Variants in PTP4A2 observed in about 807,000 individuals in gnomAD.
The protein encoded by PTP4A2 is protein tyrosine phosphatase 4A2.
PTP4A2 carries 2 observed loss-of-function variants against 22.9 expected under a neutral mutation model. The observed-to-expected ratio is 0.09, with a 90% CI of 0.04 to 0.27. The LOEUF is 0.27. PTP4A2 is among the 10% of genes least tolerant of loss of function. PTP4A2 has a pLI of 1.00. For missense variants in PTP4A2, 103 were observed against 205.1 expected (o/e 0.50, Z 3.04); for synonymous variants, 68 against 69.1 (o/e 0.98, Z 0.08).
In PTP4A2 at chr1:31,938,078, G is replaced by GGCGGTA. The variant is rs1197614804; in HGVS notation, c.-691_-686dup. 3 of 152,990 alleles carry GGCGGTA rather than the reference G, an allele frequency of 2.0e-5. No homozygotes were observed. Among genetic ancestry groups the GGCGGTA allele is most frequent in the Non-Finnish European group, 2.8e-5 (2 of 71,038 alleles). The allele number at this position is 152,990 out of a possible 1,614,324, so 9.5% of individuals were successfully genotyped here. A position where few individuals can be genotyped will look rare whatever the true frequency, so the allele number is the denominator to read the frequency against. On this transcript the variant is annotated 5_prime_UTR_variant, in exon 1 of 6. Coordinates refer to ENST00000647444, the MANE Select transcript of PTP4A2 (RefSeq NM_080391.4). The surrounding 1 kb of genome is among the most constrained non-coding windows in gnomAD (Gnocchi z 4.4). The stretch of plus-strand genomic sequence containing the variant: ...CAGTCACCTCGGCGGCGGCGGCGGC[G>GGCGGTA]GCGGTAGCGGTGGCGGCGGCGGCGA...
chr1:31,935,289 G>A (rs988993194), intron 1 of PTP4A2, among the ~76,000 whole-genome samples: 4 of 152,072 alleles, frequency 2.6e-5, no homozygotes, highest in Non-Finnish European at 4.4e-5. Context: ...ACACCCCGGG[G>A]CCCCAAGAGA....
intron 3 of PTP4A2, chr1:31,915,594 T>C (rs957628505): frequency 1.5e-5 from 3 of 196,702 alleles, no homozygotes; most frequent in African/African-American, 2.4e-5. Context: ...GGCTGGAATG[T>C]GGTGGTGTGG....
intron 1 of PTP4A2, among the ~76,000 whole-genome samples, chr1:31,926,338 A>T (rs675530): frequency 0.13 from 19,227 of 151,638 alleles, 1,581 homozygotes; most frequent in East Asian, 0.37. Flanking sequence ...TTCTAGATTT[A>T]AGGAAATACA....
In PTP4A2 at chr1:31,937,318, G is replaced by A. The variant is rs1488886832; in HGVS notation, c.-594+669C>T. On this transcript the variant is annotated intron_variant, in intron 1 of 5. Coordinates refer to ENST00000647444, the MANE Select transcript of PTP4A2 (RefSeq NM_080391.4). Reference sequence around the variant, plus strand: ...AGAAGATCATAGTGCCGCTGGAGGAGACTTATACCCCCTTTCCTCATACTT... The same window carrying A: ...AGAAGATCATAGTGCCGCTGGAGGAAACTTATACCCCCTTTCCTCATACTT... Among the ~76,000 whole-genome samples, 5 of 152,174 alleles carry A rather than the reference G, an allele frequency of 3.3e-5. No homozygotes were observed. In the Middle Eastern group the frequency reaches 0.01, roughly 311 times the overall value.
Position 31,908,413 on chromosome 1 carries a change from A to C in PTP4A2, c.*439T>G, listed in dbSNP as rs547992483. 1 of 150,036 alleles carries C rather than the reference A, an allele frequency of 6.7e-6. No individual in the cohort carries two copies. Among genetic ancestry groups the C allele is most frequent in the East Asian group, 2.0e-4 (1 of 5,106 alleles). 9.3% of individuals were successfully genotyped at this position (150,036 alleles called of 1,614,324 possible). On this transcript the variant is annotated 3_prime_UTR_variant, in exon 6 of 6. Transcript: ENST00000647444. The stretch of plus-strand genomic sequence containing the variant: ...ATATACCACCAACCCTCCCCCACAA[A>C]AAAAGGGAAAAAAAAAATCCCACCA...
At chr1:31,936,643 T>A (rs1652945188) in intron 1 of PTP4A2, among the ~76,000 whole-genome samples, 1 of 152,184 alleles carries the variant, frequency 6.6e-6, no homozygotes, top group African/African-American at 2.4e-5. Flanking sequence ...AAGTCCATGA[T>A]AATAATTAGT....
chr1:31,909,426 A>T (rs1263316603), intron 5 of PTP4A2, among the ~76,000 whole-genome samples: 1 of 152,178 alleles, frequency 6.6e-6, no homozygotes, highest in Non-Finnish European at 1.5e-5. Flanking sequence ...CTGTAATCCC[A>T]GCACTTTGGG....
At chr1:31,926,738 T>C (rs905106440) in intron 1 of PTP4A2, among the ~76,000 whole-genome samples, 1 of 152,160 alleles carries the variant, frequency 6.6e-6, no homozygotes, top group African/African-American at 2.4e-5. Flanking sequence ...TCTGTTGGGA[T>C]GGATCTTACA....
intron 1 of PTP4A2, among the ~76,000 whole-genome samples, chr1:31,937,106 T>A (rs1434652377): frequency 6.6e-6 from 1 of 152,128 alleles, no homozygotes; most frequent in African/African-American, 2.4e-5. Flanking sequence ...GAGTGTAGGA[T>A]TTTGGGCAAC....
At chr1:31,926,775 A>T (rs893447317) in intron 1 of PTP4A2, among the ~76,000 whole-genome samples, 1 of 152,202 alleles carries the variant, frequency 6.6e-6, no homozygotes, top group African/African-American at 2.4e-5. Context: ...AAAAGAAATA[A>T]AAATGTCACT....
rs1651167706 is a variant in PTP4A2 at position 31,906,507 on chromosome 1, C to T, written c.*2345G>A. The T allele has an allele frequency of 6.6e-6, 1 of 152,040 alleles. No individual in the cohort carries two copies. Among genetic ancestry groups the T allele is most frequent in the Non-Finnish European group, 1.5e-5 (1 of 68,000 alleles). The allele number at this position is 152,040 out of a possible 1,614,324, so 9.4% of individuals were successfully genotyped here. On this transcript the variant is annotated 3_prime_UTR_variant, in exon 6 of 6. Transcript: ENST00000647444. ...CTGCACACCTTTCAAATCAATCTGA[C>T]ATCTCTCTATGTCAAACTGGCTTCA...
intron 3 of PTP4A2, among the ~76,000 whole-genome samples, chr1:31,914,686 G>C (rs1405489215): frequency 6.6e-6 from 1 of 152,088 alleles, no homozygotes; most frequent in Non-Finnish European, 1.5e-5. Context: ...AAAATTACAA[G>C]ATCATTTCAT....
At chr1:31,932,190 G>A (rs1006091123) in intron 1 of PTP4A2, among the ~76,000 whole-genome samples, 6 of 152,154 alleles carry the variant, frequency 3.9e-5, no homozygotes, top group African/African-American at 1.4e-4. Context: ...TATCTGATCT[G>A]CTAAAACAAA....
chr1:31,918,340 C>A (rs1440763373), intron 2 of PTP4A2, among the ~76,000 whole-genome samples: 1 of 152,096 alleles, frequency 6.6e-6, no homozygotes, highest in Non-Finnish European at 1.5e-5. Context: ...AAGGATCTGA[C>A]ATAAAAATAC....
At position 31,916,005 on chromosome 1, in the gene PTP4A2, AT is replaced by A; in HGVS notation, c.97-19del. 4 of 1,447,600 alleles carry A rather than the reference AT, an allele frequency of 2.8e-6. No individual in the cohort carries two copies. The highest frequency in any genetic ancestry group is 1.3e-5 in the South Asian group (1 of 79,100). The allele number at this position is 1,447,600 out of a possible 1,614,324, so 89.7% of individuals were successfully genotyped here. ...TTAAGTTCCTTTAAAAAAAAAAAAA[AT>A]TATAATGGAACTTGTTTTTGAAACC... On this transcript the variant is annotated intron_variant, in intron 2 of 5. Coordinates refer to ENST00000647444, the MANE Select transcript of PTP4A2 (RefSeq NM_080391.4).
At chr1:31,912,028 A>G (rs527688419) in intron 3 of PTP4A2, among the ~76,000 whole-genome samples, 33 of 152,334 alleles carry the variant, frequency 2.2e-4, no homozygotes, top group African/African-American at 7.5e-4. Context: ...TACCCTTCTC[A>G]ATGCAGTGTC....
rs1651543126 is a variant in PTP4A2, at chr1:31,911,733, AAC to A, written c.281_282del (p.Gly94ValfsTer24). ...GCAACACAATGCACTGCAACACAGC[AAC>A]CTGGCTCTTCACGAAATTTGGTTTT... Reference protein sequence around the residue: ...LLKTKFREEPGCCVAVHCVAG... With the variant: ...LLKTKFREEPXCCVAVHCVAG... On this transcript the variant is annotated frameshift_variant, in exon 4 of 6. Transcript: ENST00000647444. LOFTEE classifies it high-confidence loss of function. The A allele has an allele frequency of 6.2e-7, 1 of 1,606,594 alleles. No individual in the cohort carries two copies. The highest frequency in any genetic ancestry group is 1.1e-5 in the South Asian group (1 of 89,826).
intron 1 of PTP4A2, chr1:31,921,736 T>C (rs1376288256): frequency 6.6e-6 from 1 of 152,204 alleles, no homozygotes; most frequent in Non-Finnish European, 1.5e-5. Flanking sequence ...TGAAAGATAA[T>C]GACTACGGAA....
intron 1 of PTP4A2, among the ~76,000 whole-genome samples, chr1:31,929,562 C>T (rs1355722120): frequency 6.6e-6 from 1 of 152,164 alleles, no homozygotes; most frequent in Non-Finnish European, 1.5e-5. Context: ...TGGTAACCTT[C>T]TTAAGAATAG....
Sources: gnomAD v4.1 joint callset for allele counts (sites outside exome capture counted in the v4.1 genomes callset) on GRCh38, gnomAD v4.1.1 for gene constraint, Gnocchi (gnomAD v3.1) non-coding constraint, MANE v1.5 for transcripts, NCBI Gene and HGNC (gene_info 2026-07-23, HGNC 2026-07-21) for gene names.